Variants in ATP8B4 observed in about 807,000 individuals in gnomAD.
ATP8B4 encodes the protein ATPase phospholipid transporting 8B4 (putative).
ATP8B4 carries 133 observed loss-of-function variants against 145.6 expected under a neutral mutation model. The observed-to-expected ratio is 0.91, with a 90% CI of 0.79 to 1.05. The LOEUF is 1.05. ATP8B4 is among the 50% of genes least tolerant of loss of function. The pLI, the probability that ATP8B4 is intolerant of heterozygous loss-of-function variation, is 0.00. For synonymous variants in ATP8B4, 507 were observed against 492.9 expected (o/e 1.03, Z -0.38); for missense variants, 1,458 against 1,425.2 (o/e 1.02, Z -0.37).
At chr15:49,894,847 A>G (rs2037221891) in intron 23 of ATP8B4, 1 of 152,246 alleles carries the variant, frequency 6.6e-6, no homozygotes, top group Non-Finnish European at 1.5e-5. Flanking sequence ...GGAAAGGACT[A>G]TAGAAACACC....
intron 1 of ATP8B4, among the ~76,000 whole-genome samples, chr15:50,167,408 T>C (rs2044611259): frequency 6.6e-6 from 1 of 152,180 alleles, no homozygotes; most frequent in Admixed American, 6.5e-5. Flanking sequence ...TGACATTCCT[T>C]GGCTTGTAGA....
intron 6 of ATP8B4, among the ~76,000 whole-genome samples, chr15:50,030,302 C>G (rs1366479242): frequency 6.6e-6 from 1 of 152,002 alleles, no homozygotes; most frequent in African/African-American, 2.4e-5. Context: ...GCACATAGAA[C>G]TTGGTGTATC....
intron 1 of ATP8B4, among the ~76,000 whole-genome samples, chr15:50,149,374 T>C (rs1026898318): frequency 6.6e-6 from 1 of 152,170 alleles, no homozygotes; most frequent in Admixed American, 6.5e-5. Context: ...TGACCTCTCT[T>C]CCTCTTCAAA....
chr15:50,038,698 C>A (rs1217758930), intron 6 of ATP8B4, 70 bp downstream of exon 6: 6 of 1,173,200 alleles, frequency 5.1e-6, no homozygotes, highest in Non-Finnish European at 5.0e-6. Flanking sequence ...AAAGAGAAAG[C>A]CACCAATCGT....
At chr15:50,134,776 T>C (rs1220083922) in intron 1 of ATP8B4, among the ~76,000 whole-genome samples, 1 of 152,202 alleles carries the variant, frequency 6.6e-6, no homozygotes, top group Non-Finnish European at 1.5e-5. Flanking sequence ...ATGTCAAAGA[T>C]GATGTCACAT....
chr15:49,883,638 C>T (rs576673976), intron 23 of ATP8B4: 2 of 152,216 alleles, frequency 1.3e-5, no homozygotes, highest in South Asian at 4.2e-4. Flanking sequence ...AAACCGAGGC[C>T]TATCAAGGTT....
intron 1 of ATP8B4, among the ~76,000 whole-genome samples, chr15:50,142,627 GCAA>G (rs1325842064): frequency 6.6e-6 from 1 of 152,172 alleles, no homozygotes; most frequent in African/African-American, 2.4e-5. Context: ...GTGGTAGAAA[GCAA>G]CGAGGAATGA....
Position 49,896,486 on chromosome 15 carries a change from T to C in ATP8B4, c.2697+806A>G, listed in dbSNP as rs138084691. 9 of 152,344 alleles carry C rather than the reference T, an allele frequency of 5.9e-5. No individual in the cohort carries two copies. The East Asian group carries it at 1.7e-3, about 29-fold the overall frequency. The allele number at this position is 152,344 out of a possible 1,614,324, so 9.4% of individuals were successfully genotyped here. On this transcript the variant is annotated intron_variant, in intron 23 of 27. Transcript: ENST00000284509. ...CATGCATATCGTTGAATCCATGTCA[T>C]TGATTAAACCCAAAGAAGGGAAGAA...
chr15:50,134,990 C>T (rs1314094020), intron 1 of ATP8B4, among the ~76,000 whole-genome samples: 1 of 152,188 alleles, frequency 6.6e-6, no homozygotes, highest in African/African-American at 2.4e-5. Flanking sequence ...TTTACTCTCA[C>T]AGCAGTAAAA....
chr15:50,087,196 T>C (rs1303685596), intron 2 of ATP8B4, among the ~76,000 whole-genome samples: 1 of 129,830 alleles, frequency 7.7e-6, no homozygotes, highest in East Asian at 2.3e-4. Context: ...TCTCTGTATA[T>C]TATATATAAT....
At chr15:49,892,146 G>C (rs2036896310) in intron 23 of ATP8B4, among the ~76,000 whole-genome samples, 2 of 150,922 alleles carry the variant, frequency 1.3e-5, no homozygotes, top group Admixed American at 6.6e-5. Flanking sequence ...AAAGTCTATA[G>C]ACTCAGAATA....
intron 6 of ATP8B4, among the ~76,000 whole-genome samples, chr15:50,014,711 A>T (rs1044987050): frequency 6.6e-6 from 1 of 152,228 alleles, no homozygotes; most frequent in Admixed American, 6.5e-5. Flanking sequence ...ATAGAGTCTT[A>T]TATTTTAATT....
intron 14 of ATP8B4, among the ~76,000 whole-genome samples, chr15:49,950,619 C>CAAAAAAAAAA (rs748025885): frequency 9.1e-6 from 1 of 109,954 alleles, no homozygotes; most frequent in Non-Finnish European, 1.8e-5. Context: ...AACAAACAAA[C>CAAAAAAAAAA]AAAAAAAACA....
chr15:49,934,533 A>C (rs758457927), intron 14 of ATP8B4, among the ~76,000 whole-genome samples: 5 of 152,044 alleles, frequency 3.3e-5, no homozygotes, highest in Non-Finnish European at 7.4e-5. Flanking sequence ...TCTGACTTGA[A>C]CCCATTTGTG....
intron 23 of ATP8B4, among the ~76,000 whole-genome samples, chr15:49,890,254 C>G (rs778196476): frequency 6.6e-6 from 1 of 152,168 alleles, no homozygotes; most frequent in Non-Finnish European, 1.5e-5. Context: ...GTGAGAGTCT[C>G]ACTGCTGTCA....
At chr15:50,044,526 C>T (rs2051568932) in intron 5 of ATP8B4, 68 bp downstream of exon 5, 3 of 1,099,510 alleles carry the variant, frequency 2.7e-6, no homozygotes, top group Non-Finnish European at 4.0e-6. Context: ...AATGTATCTT[C>T]ATTATCTATT....
chr15:50,180,217 A>T (rs1595674595), intron 1 of ATP8B4, among the ~76,000 whole-genome samples: 1 of 152,218 alleles, frequency 6.6e-6, no homozygotes, highest in African/African-American at 2.4e-5. Flanking sequence ...TAAGAAAAAG[A>T]TTCCTGTACT....
chr15:50,023,304 T>C (rs1191421643), intron 6 of ATP8B4, among the ~76,000 whole-genome samples: 1 of 152,206 alleles, frequency 6.6e-6, no homozygotes, highest in Non-Finnish European at 1.5e-5. Flanking sequence ...TTCAATTTGG[T>C]TAATCAGGAG....
At chr15:49,988,336 C>A (rs147233594) in intron 9 of ATP8B4, among the ~76,000 whole-genome samples, 48 of 152,224 alleles carry the variant, frequency 3.2e-4, no homozygotes, top group African/African-American at 1.1e-3. Flanking sequence ...ACGGACCCTG[C>A]CACAAAACAT....
Sources: allele counts gnomAD v4.1 joint callset (sites outside exome capture counted in the v4.1 genomes callset), GRCh38; gene constraint gnomAD v4.1.1; transcripts MANE v1.5; gene names NCBI Gene and HGNC (gene_info 2026-07-23, HGNC 2026-07-21).